MCM8: variants seen among roughly 807,000 people sequenced by gnomAD.
MCM8 encodes DNA helicase MCM8.
In MCM8, 85 loss-of-function variants were observed where a neutral mutation model predicts 98.9. The ratio of observed to expected loss-of-function variants is 0.86; its 90% CI spans 0.72 to 1.03. MCM8 has a LOEUF of 1.03. MCM8 is among the 50% of genes least tolerant of loss of function. The pLI, the probability that MCM8 is intolerant of heterozygous loss-of-function variation, is 0.00. For synonymous variants in MCM8, 352 were observed against 338.6 expected (o/e 1.04, Z -0.44); for missense variants, 951 against 997.8 (o/e 0.95, Z 0.63).
intron 8 of MCM8, among the ~76,000 whole-genome samples, chr20:5,966,995 C>T (rs2089289070): frequency 1.3e-5 from 2 of 152,194 alleles, no homozygotes; most frequent in African/African-American, 4.8e-5. Flanking sequence ...CCATCTACTC[C>T]TGCTCTCTAT....
chr20:5,973,129 C>A lies in MCM8; in HGVS notation c.1328C>A (p.Pro443Gln). ...QKYADDKNRI[P>Q]IRGDPHILVV... ...TACGCAGATGACAAAAACAGAATTCCAATTCGGGGAGACCCCCACATCCTT... is the reference window on the plus strand; with the variant it reads ...TACGCAGATGACAAAAACAGAATTCAAATTCGGGGAGACCCCCACATCCTT... Residue 443 changes from proline to glutamine, a missense_variant, in exon 12 of 19, where the codon CCA (proline) becomes CAA (glutamine). Physicochemically the swap from Pro to Gln is moderately conservative, Grantham distance 76. Coordinates refer to ENST00000610722, the MANE Select transcript of MCM8 (RefSeq NM_032485.6). The A allele has an allele frequency of 6.2e-7, 1 of 1,614,182 alleles. No homozygotes were observed. Among genetic ancestry groups the A allele is most frequent in the Non-Finnish European group, 8.5e-7 (1 of 1,180,018 alleles).
At position 5,996,318 on chromosome 20, in the gene MCM8, AT is replaced by A. The variant is rs1357920907; in HGVS notation, c.*1928del. ...ATGGAGAAAGTAGATAGTAGTATAA[AT>A]ATAGTGAAGTCTTTAAAAGCTAGGA... On this transcript the variant is annotated 3_prime_UTR_variant, in exon 19 of 19. Coordinates refer to ENST00000610722, the MANE Select transcript of MCM8 (RefSeq NM_032485.6). The A allele has an allele frequency of 6.6e-6, 1 of 150,832 alleles. No homozygotes were observed. Among genetic ancestry groups the A allele is most frequent in the African/African-American group, 2.5e-5 (1 of 40,786 alleles). The allele number at this position is 150,832 out of a possible 1,614,324, so 9.3% of individuals were successfully genotyped here.
rs116752770 is a variant in MCM8, at chr20:5,992,917, A to G, written c.2241-589A>G. Among the ~76,000 whole-genome samples the G allele has an allele frequency of 3.5e-3, 532 of 152,314 alleles. 6 individuals carry two copies. Among genetic ancestry groups the G allele is most frequent in the African/African-American group, 0.012 (499 of 41,580 alleles). On this transcript the variant is annotated intron_variant, in intron 17 of 18. Transcript: ENST00000610722. ...AAACAGGATGGTTAATTATGTTTCT[A>G]ACTAGTGTTTTCAGACTTTAGCTAA... is the stretch of plus-strand genomic sequence containing the variant.
intron 17 of MCM8, 98 bp downstream of exon 17, chr20:5,987,456 G>A (rs2089757412): frequency 1.2e-6 from 1 of 855,116 alleles, no homozygotes; most frequent in African/African-American, 1.8e-5. Context: ...TAGCCCATTG[G>A]GTCACTTATT....
intron 17 of MCM8, among the ~76,000 whole-genome samples, chr20:5,992,242 CT>C (rs2089868074): frequency 6.6e-6 from 1 of 152,126 alleles, no homozygotes; most frequent in Non-Finnish European, 1.5e-5. Context: ...AGTTGTGTAA[CT>C]TCTGGCAAGT....
chr20:5,987,448 G>T, intron 17 of MCM8, 90 bp downstream of exon 17: 2 of 944,450 alleles, frequency 2.1e-6, no homozygotes, highest in Non-Finnish European at 3.2e-6. Context: ...CTTTTATTTA[G>T]CCCATTGGGT....
At chr20:5,985,816 G>A in intron 15 of MCM8, 106 bp from the exon 16 acceptor site, 2 of 1,109,458 alleles carry the variant, frequency 1.8e-6, no homozygotes, top group African/African-American at 1.5e-5. Context: ...AAAGCGCAGG[G>A]ATTACAGGCG....
chr20:5,953,126 T>C (rs907446489), intron 3 of MCM8, among the ~76,000 whole-genome samples: 2 of 152,234 alleles, frequency 1.3e-5, no homozygotes, highest in African/African-American at 4.8e-5. Context: ...TGAAAAGAGT[T>C]GGAAACAAGA....
chr20:5,970,623 G>A (rs966433198), intron 10 of MCM8, among the ~76,000 whole-genome samples: 4 of 152,162 alleles, frequency 2.6e-5, no homozygotes, highest in African/African-American at 4.8e-5. Context: ...GATGCCAGTA[G>A]GAAGCCGGAA....
At chr20:5,964,776 C>T (rs2089238265) in intron 8 of MCM8, 2 of 152,056 alleles carry the variant, frequency 1.3e-5, no homozygotes, top group Non-Finnish European at 2.9e-5. Flanking sequence ...GAGAGGTAGT[C>T]TAGATGTATG....
chr20:5,984,681 G>T (rs2089694116), intron 14 of MCM8, 100 bp from the exon 15 acceptor site: 11 of 969,484 alleles, frequency 1.1e-5, no homozygotes, highest in Non-Finnish European at 1.5e-5. Context: ...GGTTTTTCAA[G>T]TTCTGCGTGG....
rs1910492 is a variant in MCM8 at position 5,997,792 on chromosome 20, A to C, written c.*3401A>C. On this transcript the variant is annotated 3_prime_UTR_variant, in exon 19 of 19. Transcript: ENST00000610722. ...CTAATTTTGATTTTTAGTAGAGATG[A>C]GGTCTTCCTTTGTTGCCCAAGCTGG... is the stretch of plus-strand genomic sequence containing the variant. 60,058 of 152,134 alleles carry C rather than the reference A, an allele frequency of 0.39. 14,213 individuals are homozygous for C. The highest frequency in any genetic ancestry group is 0.51 in the Non-Finnish European group (34,433 of 68,018). 9.4% of individuals were successfully genotyped at this position (152,134 alleles called of 1,614,324 possible). A position where few individuals can be genotyped will look rare whatever the true frequency, so the allele number is the denominator to read the frequency against.
In MCM8 at chr20:5,958,665, C is replaced by T; in HGVS notation, c.728C>T (p.Ala243Val). The T allele has an allele frequency of 6.2e-7, 1 of 1,614,092 alleles. No homozygotes were observed. Among genetic ancestry groups the T allele is most frequent in the South Asian group, 1.1e-5 (1 of 91,080 alleles). ...PLCTKMAFLCAACGEIQSFPL... is the reference protein window; with the variant it reads ...PLCTKMAFLCVACGEIQSFPL... ...TGCACCAAGATGGCTTTTCTTTGTG[C>T]TGCATGTGGAGAAATTCAGAGCTTT... Residue 243 changes from alanine to valine, a missense_variant, in exon 7 of 19, where the codon GCT (alanine) becomes GTT (valine). Transcript: ENST00000610722.
intron 1 of MCM8, among the ~76,000 whole-genome samples, chr20:5,951,745 C>T (rs1242597840): frequency 6.6e-6 from 1 of 152,074 alleles, no homozygotes; most frequent in Non-Finnish European, 1.5e-5. Flanking sequence ...CAGTACCTGT[C>T]CTTATTTTTA....
Position 5,967,601 on chromosome 20 carries a change from CTT to C in MCM8, c.1027+17_1027+18del, listed in dbSNP as rs1911999121. ...ATGCGGAAGAAGGTAGGGTACAACT[CTT>C]TTCATTATTTGTCTCTCAATAATGA... is the stretch of plus-strand genomic sequence containing the variant. On this transcript the variant is annotated intron_variant, in intron 9 of 18. Transcript: ENST00000610722. 1.3e-6 allele frequency: 2 copies of C among 1,594,576 alleles called. No individual in the cohort carries two copies. The highest frequency in any genetic ancestry group is 8.6e-7 in the Non-Finnish European group (1 of 1,167,292).
Position 5,952,047 on chromosome 20 carries a change from G to A in MCM8, c.32G>A (p.Gly11Glu). 1 of 1,614,060 alleles carries A rather than the reference G, an allele frequency of 6.2e-7. No homozygotes were observed. The highest frequency in any genetic ancestry group is 8.5e-7 in the Non-Finnish European group (1 of 1,179,976). ...GGAGAGTATAGAGGCAGAGGATTTGGACGAGGAAGATTTCAAAGCTGGAAA... is the reference window on the plus strand; with the variant it reads ...GGAGAGTATAGAGGCAGAGGATTTGAACGAGGAAGATTTCAAAGCTGGAAA... MNGEYRGRGF[G>E]RGRFQSWKRG... is the part of the protein sequence containing the mutation. Residue 11 changes from glycine (G) to glutamate (E), a missense_variant, in exon 2 of 19, where the codon GGA (glycine) becomes GAA (glutamate). Coordinates refer to ENST00000610722, the MANE Select transcript of MCM8 (RefSeq NM_032485.6).
At chr20:5,988,133 G>T (rs930059625) in intron 17 of MCM8, among the ~76,000 whole-genome samples, 1 of 151,568 alleles carries the variant, frequency 6.6e-6, no homozygotes, top group African/African-American at 2.4e-5. Flanking sequence ...TTTTTAATAG[G>T]TCCATACTTT....
chr20:5,955,644 T>C (rs1331548420), intron 5 of MCM8, among the ~76,000 whole-genome samples: 2 of 152,214 alleles, frequency 1.3e-5, no homozygotes, highest in African/African-American at 4.8e-5. Flanking sequence ...TTCTGTGGCA[T>C]GAAGCAAACC....
chr20:5,951,071 A>T (rs2088808643), intron 1 of MCM8, 48 bp downstream of exon 1: 1 of 152,210 alleles, frequency 6.6e-6, no homozygotes, highest in Non-Finnish European at 1.5e-5. Flanking sequence ...TATTTGAAGA[A>T]GCACAGGTAC....
Sources: allele counts gnomAD v4.1 joint callset (sites outside exome capture counted in the v4.1 genomes callset), GRCh38; gene constraint gnomAD v4.1.1; transcripts MANE v1.5; gene names NCBI Gene and HGNC (gene_info 2026-07-23, HGNC 2026-07-21).